The following FMO5 variants were observed in gnomAD, a reference collection of about 807,000 sequenced individuals.
The protein encoded by FMO5 is flavin containing dimethylaniline monoxygenase 5, also known as flavin-containing monooxygenase 5.
In FMO5, 51 loss-of-function variants were observed where a neutral mutation model predicts 43.6. The ratio of observed to expected loss-of-function variants is 1.17; its 90% CI spans 0.93 to 1.48. FMO5 has a LOEUF of 1.48. Ranked by LOEUF, FMO5 falls within the 40% of genes most tolerant of loss-of-function variation. FMO5 has a pLI of 0.00. For missense variants in FMO5, 644 were observed against 643.0 expected, an observed-to-expected ratio of 1.00 and a Z score of -0.02; for synonymous variants, 187 against 216.5, an observed-to-expected ratio of 0.86 and a Z score of 1.20.
chr1:147,198,277 G>A lies in FMO5; in HGVS notation c.1183+2875C>T, dbSNP rs587749917. ...CATTTCTTAGAATAGATGTTTATTAGATACCTCTTATGTGCTAGGCAGTGG... is the reference window on the plus strand; with the variant it reads ...CATTTCTTAGAATAGATGTTTATTAAATACCTCTTATGTGCTAGGCAGTGG... On this transcript the variant is annotated intron_variant, in intron 7 of 8. Coordinates refer to ENST00000254090, the MANE Select transcript of FMO5 (RefSeq NM_001461.4). Among the ~76,000 whole-genome samples the A allele has an allele frequency of 5.3e-5, 8 of 152,244 alleles. No homozygotes were observed. In the East Asian group the frequency reaches 1.5e-3, roughly 29 times the overall value.
intron 7 of FMO5, among the ~76,000 whole-genome samples, chr1:147,191,652 G>T (rs1301112904): frequency 6.8e-6 from 1 of 147,476 alleles, no homozygotes; most frequent in Non-Finnish European, 1.5e-5. Context: ...CACTCTGATG[G>T]TAGTTTCTTT....
chr1:147,215,420 T>G, intron 3 of FMO5: 1 of 199,980 alleles, frequency 5.0e-6, no homozygotes, highest in Non-Finnish European at 1.0e-5. Context: ...AACCAGAGAG[T>G]TTTAAAGTTC....
intron 7 of FMO5, among the ~76,000 whole-genome samples, chr1:147,192,143 G>A (rs9730355): frequency 0.037 from 5,595 of 152,144 alleles, 154 homozygotes; most frequent in South Asian, 0.095. Flanking sequence ...CTACCCATGA[G>A]CATGGAATGT....
At chr1:147,192,081 A>C (rs1420478709) in intron 7 of FMO5, among the ~76,000 whole-genome samples, 1 of 152,108 alleles carries the variant, frequency 6.6e-6, no homozygotes, top group African/African-American at 2.4e-5. Flanking sequence ...GATGGCATTT[A>C]ATCTATAAAT....
downstream of FMO5, chr1:147,184,349 C>A (rs1354674461): frequency 6.9e-6 from 6 of 867,822 alleles, no homozygotes; most frequent in Non-Finnish European, 9.4e-6. The surrounding 1 kb of genome is among the most constrained non-coding windows in gnomAD (Gnocchi z 4.4). Flanking sequence ...TTACATTCCT[C>A]TGGTACATTT....
chr1:147,208,950 T>A lies in FMO5; in HGVS notation c.732A>T (p.Ile244=), dbSNP rs148462233. ...CTAATGATTGGCCACAGATCTTCCA[T>A]ATAAAATGTGTAAGTCGAGAAGAGA... ...VLFSSRLTHF[I]WKICGQSLAN... Residue 244 remains isoleucine (I), a synonymous_variant, in exon 6 of 9, where the codon ATA becomes ATT. Transcript: ENST00000254090. 1.2e-3 allele frequency: 1,991 copies of A among 1,614,000 alleles called. 2 individuals are homozygous for A. The highest frequency in any genetic ancestry group is 1.6e-3 in the Non-Finnish European group (1,831 of 1,179,858).
At position 147,204,827 on chromosome 1, in the gene FMO5, AAGCTTGTATGTTTCTAT is replaced by A. The variant is rs1441956963; in HGVS notation, c.831-3340_831-3324del. On this transcript the variant is annotated intron_variant, in intron 6 of 8. Transcript: ENST00000254090. The stretch of plus-strand genomic sequence containing the variant: ...CGAGTGGTTTGGGCAAGCTCCTTGC[AAGCTTGTATGTTTCTAT>A]ACACAGCCTCTTCTAATTCTGAAAA... The A allele has an allele frequency of 1.5e-5, 24 of 1,603,148 alleles. No homozygotes were observed. The Middle Eastern group carries it at 6.6e-4, about 44-fold the overall frequency.
chr1:147,216,700 C>G (rs1455476241), intron 2 of FMO5, among the ~76,000 whole-genome samples: 4 of 152,186 alleles, frequency 2.6e-5, no homozygotes, highest in Non-Finnish European at 5.9e-5. Flanking sequence ...AACCACTGCT[C>G]TAGATCCTTA....
rs28381223 is a variant in FMO5, at chr1:147,186,984, C to A, written c.1518G>T (p.Arg506Ser). ...RKPLMTRVVE[R>S]SSSMTSTMTI... ...TCATTGTTGAAGTCATAGAACTACT[C>A]CTTTCAACTACTCTTGTCATCAGAG... The change falls in exon 9 of 9, where the codon AGG (arginine) becomes AGT (serine). Residue 506 changes from arginine to serine, a missense_variant. Physicochemically the swap from Arg to Ser is moderately radical, Grantham distance 110 (BLOSUM62 -1). Transcript: ENST00000254090. 517 of 1,614,148 alleles carry A rather than the reference C, an allele frequency of 3.2e-4. 1 individual carries two copies. In the African/African-American group the frequency reaches 6.2e-3, roughly 19 times the overall value.
chr1:147,223,344 A>G (rs1475993752), intron 2 of FMO5, among the ~76,000 whole-genome samples: 2 of 152,228 alleles, frequency 1.3e-5, no homozygotes, highest in Non-Finnish European at 2.9e-5. Context: ...TGTCACATAA[A>G]ATTAGTCCCC....
chr1:147,212,616 G>T, intron 4 of FMO5, 81 bp from the exon 5 acceptor site: 1 of 1,343,424 alleles, frequency 7.4e-7, no homozygotes, highest in Non-Finnish European at 1.0e-6. Context: ...TTTTTTTGCA[G>T]ACTTAAGTTT....
chr1:147,222,164 G>A (rs1663137104), intron 2 of FMO5, among the ~76,000 whole-genome samples: 2 of 152,156 alleles, frequency 1.3e-5, no homozygotes, highest in Admixed American at 1.3e-4. Context: ...GAGGTGAGGA[G>A]TTCGAGAATA....
upstream of FMO5, among the ~76,000 whole-genome samples, chr1:147,226,514 T>C (rs774555899): frequency 3.6e-4 from 55 of 152,200 alleles, no homozygotes; most frequent in Non-Finnish European, 7.6e-4. Context: ...AATGTAACTT[T>C]TCAAATATAA....
intron 7 of FMO5, among the ~76,000 whole-genome samples, chr1:147,193,676 A>G (rs1657354654): frequency 6.6e-6 from 1 of 152,084 alleles, no homozygotes; most frequent in Non-Finnish European, 1.5e-5. Context: ...ACACTGCTTT[A>G]AATGTGTTCC....
chr1:147,224,978 A>T lies in FMO5; in HGVS notation c.52T>A (p.Ser18Thr), dbSNP rs1553927261. The T allele has an allele frequency of 1.2e-5, 20 of 1,614,036 alleles. No homozygotes were observed. The highest frequency in any genetic ancestry group is 1.7e-5 in the Non-Finnish European group (20 of 1,180,004). The change falls in exon 2 of 9, where the codon TCC becomes ACC. Residue 18 changes from serine (S) to threonine (T), a missense_variant. Physicochemically the swap from Ser to Thr is moderately conservative, Grantham distance 58 (BLOSUM62 1). Transcript: ENST00000254090. ...CCTTCTTCTACGCAGCACTTGATGG[A>T]AGAGAGCCCGCTCACTCCTCCCCCA... ...VIGGGVSGLS[S>T]IKCCVEEGLE... is the part of the protein sequence containing the mutation.
At chr1:147,202,177 T>C (rs907810741) in intron 6 of FMO5, among the ~76,000 whole-genome samples, 8 of 151,874 alleles carry the variant, frequency 5.3e-5, no homozygotes, top group African/African-American at 1.7e-4. Flanking sequence ...CTTGTTATTG[T>C]TTCCTAGGGA....
chr1:147,190,211 C>G lies in FMO5; in HGVS notation c.1222G>C (p.Glu408Gln). ...TLPSQSEMMA[E>Q]ISKAQEEIDK... ...ATTTCCTCTTGAGCTTTAGATATTT[C>G]TGCCATCATTTCACTCTGTGAGGGC... Residue 408 changes from glutamate (E) to glutamine (Q), a missense_variant, in exon 8 of 9, where the codon GAA becomes CAA. Physicochemically the swap from Glu to Gln is conservative, Grantham distance 29 (BLOSUM62 2). Coordinates refer to ENST00000254090, the MANE Select transcript of FMO5 (RefSeq NM_001461.4). 6.2e-7 allele frequency: 1 copy of G among 1,611,966 alleles called. No individual in the cohort carries two copies. The highest frequency in any genetic ancestry group is 1.7e-4 in the Middle Eastern group (1 of 6,048).
chr1:147,186,899 A>G lies in FMO5; in HGVS notation c.*1T>C, dbSNP rs782583560. ...AAAACAGGGCAGTGACAATAGGACA[A>G]CTAGAAGTAAGCTATAATTATAGCA... On this transcript the variant is annotated 3_prime_UTR_variant, in exon 9 of 9. Transcript: ENST00000254090. 1 of 1,609,884 alleles carries G rather than the reference A, an allele frequency of 6.2e-7. No individual in the cohort carries two copies. Among genetic ancestry groups the G allele is most frequent in the East Asian group, 2.2e-5 (1 of 44,858 alleles).
In FMO5 at chr1:147,215,796, C is replaced by T. The variant is rs1661882675; in HGVS notation, c.282G>A (p.Met94Ile). The T allele has an allele frequency of 1.2e-6, 2 of 1,612,030 alleles. No individual in the cohort carries two copies. Among genetic ancestry groups the T allele is most frequent in the Admixed American group, 1.7e-5 (1 of 59,556 alleles). Residue 94 changes from methionine (M) to isoleucine (I), a missense_variant, in exon 3 of 9, where the codon ATG (methionine) becomes ATA (isoleucine). Physicochemically the swap from Met to Ile is conservative, Grantham distance 10. Coordinates refer to ENST00000254090, the MANE Select transcript of FMO5 (RefSeq NM_001461.4). ...TTAGAAGGTCAAATTCTTTGGCATA[C>T]ATCCTGAAATACTCCAGGACCTGGG... is the stretch of plus-strand genomic sequence containing the variant. ...HNAQVLEYFR[M>I]YAKEFDLLKY...
Sources: gnomAD v4.1 joint callset for allele counts (sites outside exome capture counted in the v4.1 genomes callset) on GRCh38, gnomAD v4.1.1 for gene constraint, Gnocchi (gnomAD v3.1) non-coding constraint, MANE v1.5 for transcripts, NCBI Gene and HGNC (gene_info 2026-07-23, HGNC 2026-07-21) for gene names.